RBFOX1: variants seen among roughly 807,000 people sequenced by gnomAD.
RBFOX1 encodes the protein RNA binding protein fox-1 homolog 1.
Under a neutral mutation model 57.7 loss-of-function variants are expected in RBFOX1, and 8 were observed. The observed-to-expected ratio is 0.14, with a 90% CI of 0.08 to 0.25. RBFOX1 has a LOEUF of 0.25. RBFOX1 is among the 10% of genes least tolerant of loss of function. RBFOX1 has a pLI of 1.00. For synonymous variants in RBFOX1, 326 were observed against 222.4 expected (o/e 1.47, Z -4.15); for missense variants, 611 against 548.5 (o/e 1.11, Z -1.14).
intron 4 of RBFOX1, among the ~76,000 whole-genome samples, chr16:5,990,279 A>G (rs1024692594): frequency 3.9e-5 from 6 of 152,134 alleles, no homozygotes; most frequent in African/African-American, 1.4e-4. Context: ...GCATGAGCCC[A>G]CTGTACCCAG....
At chr16:7,047,325 G>C (rs528081324) in intron 3 of RBFOX1, among the ~76,000 whole-genome samples, 2 of 152,074 alleles carry the variant, frequency 1.3e-5, no homozygotes, top group Non-Finnish European at 2.9e-5. Flanking sequence ...ATTCTCAGTT[G>C]ACAATTATTT....
intron 4 of RBFOX1, among the ~76,000 whole-genome samples, chr16:7,268,110 A>T (rs1204203654): frequency 1.3e-5 from 2 of 152,198 alleles, no homozygotes; most frequent in Non-Finnish European, 2.9e-5. Flanking sequence ...TATGGTAGGC[A>T]TGTGTAACAT....
At chr16:7,570,687 C>T (rs2092682718) in intron 5 of RBFOX1, among the ~76,000 whole-genome samples, 1 of 152,192 alleles carries the variant, frequency 6.6e-6, no homozygotes, top group Admixed American at 6.5e-5. Flanking sequence ...GGTGATTCCT[C>T]AAATACCTGG....
intron 3 of RBFOX1, among the ~76,000 whole-genome samples, chr16:6,946,743 C>T (rs1283241987): frequency 2.0e-5 from 3 of 152,054 alleles, no homozygotes; most frequent in African/African-American, 4.8e-5. Context: ...GCTGGGACTA[C>T]AGACTCACTC....
intron 3 of RBFOX1, among the ~76,000 whole-genome samples, chr16:7,012,690 G>C (rs1269531491): frequency 6.6e-6 from 1 of 152,192 alleles, no homozygotes; most frequent in East Asian, 1.9e-4. Context: ...GACTTTATCA[G>C]CAAAGGGAGG....
rs1413307918 is a variant in RBFOX1, at chr16:6,722,766, A to G, written c.-16+68116A>G. Among the ~76,000 whole-genome samples, 3 of 152,190 alleles carry G rather than the reference A, an allele frequency of 2.0e-5. No homozygotes were observed. In the East Asian group the frequency reaches 5.8e-4, roughly 29 times the overall value. On this transcript the variant is annotated intron_variant, in intron 3 of 15. Coordinates refer to ENST00000550418, the MANE Select transcript of RBFOX1 (RefSeq NM_018723.4). ...CCCGTTCATCAATACTACATGAATT[A>G]TGTAGGCATATCTTCATTTTTACAT...
At chr16:6,988,924 AC>A (rs371174398) in intron 3 of RBFOX1, among the ~76,000 whole-genome samples, 12 of 151,840 alleles carry the variant, frequency 7.9e-5, no homozygotes, top group African/African-American at 2.9e-4. Context: ...GGCGCCCACT[AC>A]CATGCCTGGC....
chr16:6,847,463 C>T (rs2093817627), intron 3 of RBFOX1, among the ~76,000 whole-genome samples: 1 of 152,022 alleles, frequency 6.6e-6, no homozygotes, highest in South Asian at 2.1e-4. Context: ...AATGGGGAGC[C>T]ACAGGGGGTG....
intron 2 of RBFOX1, among the ~76,000 whole-genome samples, chr16:5,590,424 C>T (rs1235510407): frequency 6.6e-6 from 1 of 152,098 alleles, no homozygotes; most frequent in Non-Finnish European, 1.5e-5. Context: ...ATGAGGGTAG[C>T]CTGAGTTCCT....
chr16:7,607,486 A>G lies in RBFOX1; in HGVS notation c.676+148A>G, dbSNP rs1433302863. ...AATGATTTCTTTGGGCAAAATCAAG[A>G]GTGCTTAAAACAGTTTAAAAATTAC... On this transcript the variant is annotated intron_variant, in intron 10 of 15. Transcript: ENST00000550418. 5.1e-6 allele frequency: 4 copies of G among 779,952 alleles called. No homozygotes were observed. In the African/African-American group the frequency reaches 7.1e-5, roughly 14 times the overall value. The allele number at this position is 779,952 out of a possible 1,614,324, so 48.3% of individuals were successfully genotyped here. A position where few individuals can be genotyped will look rare whatever the true frequency, so the allele number is the denominator to read the frequency against.
rs34694992 is a variant in RBFOX1, at chr16:6,971,509, G to GGTGT, written c.-15-80533_-15-80530dup. On this transcript the variant is annotated intron_variant, in intron 3 of 15. Transcript: ENST00000550418. ...TGAAGAGAGAGAGAGAGAGAGAGTT[G>GGTGT]GTGTGTGTGTGTGTGTGTACCACTG... is the stretch of plus-strand genomic sequence containing the variant. 2.4e-3 allele frequency among the ~76,000 whole-genome samples: 367 copies of GGTGT among 149,916 alleles called. 2 individuals carry two copies. The highest frequency in any genetic ancestry group is 9.7e-3 in the Admixed American group (146 of 15,018).
At chr16:6,984,677 G>T (rs752685267) in intron 3 of RBFOX1, among the ~76,000 whole-genome samples, 25 of 152,154 alleles carry the variant, frequency 1.6e-4, no homozygotes, top group Non-Finnish European at 2.6e-4. Flanking sequence ...TGGAGTCTCT[G>T]TTGACCAGGC....
At chr16:5,903,629 TCA>T (rs1369124826) in intron 4 of RBFOX1, among the ~76,000 whole-genome samples, 1 of 152,034 alleles carries the variant, frequency 6.6e-6, no homozygotes, top group Non-Finnish European at 1.5e-5. Flanking sequence ...CTATGAGAAC[TCA>T]GAGGCTGAAA....
In RBFOX1 at chr16:5,643,864, C is replaced by T. The variant is rs182469189; in HGVS notation, c.318+44903C>T. ...CGTGGGATGGAGCTCACCCTGCACA[C>T]GCATAAACAGTATGAATAAAAATTA... On this transcript the variant is annotated intron_variant, in intron 3 of 19. Transcript: ENST00000641259. Among the ~76,000 whole-genome samples, 17 of 152,278 alleles carry T rather than the reference C, an allele frequency of 1.1e-4. No homozygotes were observed. In the East Asian group the frequency reaches 2.3e-3, roughly 21 times the overall value.
intron 4 of RBFOX1, among the ~76,000 whole-genome samples, chr16:7,343,698 C>T (rs534782523): frequency 4.6e-5 from 7 of 152,120 alleles, no homozygotes; most frequent in Non-Finnish European, 8.8e-5. Context: ...AACAGGCAAA[C>T]AGGAGGTGGT....
chr16:7,040,558 TCCC>T (rs2045831126), intron 3 of RBFOX1, among the ~76,000 whole-genome samples: 1 of 150,314 alleles, frequency 6.7e-6, no homozygotes, highest in African/African-American at 2.5e-5. Context: ...TGCTTCTCTG[TCCC>T]TTCTTCTCCA....
chr16:6,701,042 G>T (rs34455162), intron 3 of RBFOX1, among the ~76,000 whole-genome samples: 2 of 151,972 alleles, frequency 1.3e-5, no homozygotes, highest in East Asian at 1.9e-4. Flanking sequence ...CAGAGGGGGG[G>T]GTGAGTCAGA....
chr16:7,097,589 T>G (rs1434693473), intron 4 of RBFOX1, among the ~76,000 whole-genome samples: 2 of 152,170 alleles, frequency 1.3e-5, no homozygotes, highest in East Asian at 1.9e-4. Context: ...ATAATCAAAT[T>G]CCATCCAATT....
intron 2 of RBFOX1, among the ~76,000 whole-genome samples, chr16:6,541,528 G>C (rs2096819325): frequency 6.6e-6 from 1 of 152,180 alleles, no homozygotes; most frequent in African/African-American, 2.4e-5. Flanking sequence ...AGTAGTACCT[G>C]AGATAGGGCA....
Sources: gnomAD v4.1 joint callset for allele counts (sites outside exome capture counted in the v4.1 genomes callset) on GRCh38, gnomAD v4.1.1 for gene constraint, MANE v1.5 for transcripts, NCBI Gene and HGNC (gene_info 2026-07-23, HGNC 2026-07-21) for gene names.